SEMA3A: variants seen among roughly 807,000 people sequenced by gnomAD.
SEMA3A encodes semaphorin-3A.
Under a neutral mutation model 97.9 loss-of-function variants are expected in SEMA3A, and 29 were observed. That is an observed-to-expected ratio of 0.30 (90% confidence interval 0.22 to 0.40). The LOEUF is 0.40. Among genes scored for constraint, SEMA3A ranks in the 10% least tolerant of loss-of-function variants. SEMA3A has a pLI of 1.00. For missense variants in SEMA3A, 763 were observed against 951.3 expected (o/e 0.80, Z 2.60); for synonymous variants, 321 against 323.7 (o/e 0.99, Z 0.09).
At chr7:84,057,749 A>AAGAT (rs935399961) in intron 5 of SEMA3A, among the ~76,000 whole-genome samples, 9 of 105,596 alleles carry the variant, frequency 8.5e-5, no homozygotes, top group South Asian at 3.1e-4. Context: ...GCGACAGAGC[A>AAGAT]AGATAAATAA....
chr7:84,308,964 C>T (rs1264093139), intron 2 of SEMA3A, among the ~76,000 whole-genome samples: 3 of 151,916 alleles, frequency 2.0e-5, no homozygotes, highest in Non-Finnish European at 4.4e-5. Context: ...ATTACAGGTG[C>T]CTGCCACCAC....
intron 4 of SEMA3A, among the ~76,000 whole-genome samples, chr7:84,095,358 C>CATATATATATATATATATATAT (rs200107086): frequency 6.5e-5 from 8 of 122,878 alleles, no homozygotes; most frequent in East Asian, 2.2e-4. Context: ...TTTTTATATA[C>CATATATATATATATATATATAT]ATATATATAT....
chr7:84,161,094 G>A (rs1331791822), intron 1 of SEMA3A, among the ~76,000 whole-genome samples: 1 of 151,932 alleles, frequency 6.6e-6, no homozygotes, highest in Non-Finnish European at 1.5e-5. Context: ...GGCCGGGCGT[G>A]GTGTCTCATG....
intron 12 of SEMA3A, among the ~76,000 whole-genome samples, chr7:83,998,130 A>G (rs1285599172): frequency 6.6e-6 from 1 of 151,896 alleles, no homozygotes; most frequent in Non-Finnish European, 1.5e-5. Context: ...AAAAAAATCT[A>G]ATAGATATTA....
At chr7:84,393,997 T>G (rs1270747229) in intron 1 of SEMA3A, among the ~76,000 whole-genome samples, 1 of 152,158 alleles carries the variant, frequency 6.6e-6, no homozygotes, top group Non-Finnish European at 1.5e-5. Context: ...GCTGAGGACT[T>G]GTTCAAATAT....
chr7:84,288,570 C>T (rs1030757498), intron 3 of SEMA3A, among the ~76,000 whole-genome samples: 8 of 151,922 alleles, frequency 5.3e-5, no homozygotes, highest in Admixed American at 1.3e-4. Flanking sequence ...TGGAGGTGCA[C>T]GCCTGTAGTC....
chr7:84,380,081 A>T (rs561518413), intron 1 of SEMA3A, among the ~76,000 whole-genome samples: 1 of 152,330 alleles, frequency 6.6e-6, no homozygotes, highest in East Asian at 1.9e-4. Context: ...GTGTGCATTC[A>T]AAAAGAGTTC....
chr7:84,326,646 G>A (rs982963982), intron 2 of SEMA3A, among the ~76,000 whole-genome samples: 2 of 151,988 alleles, frequency 1.3e-5, no homozygotes, highest in South Asian at 4.2e-4. Context: ...AAATAGTCTA[G>A]AAGGCTGTTA....
chr7:84,175,330 CATT>C (rs1455556005), intron 1 of SEMA3A, among the ~76,000 whole-genome samples: 3 of 152,232 alleles, frequency 2.0e-5, no homozygotes, highest in African/African-American at 7.2e-5. Context: ...TTAACATCAC[CATT>C]ATTTACTGTA....
intron 2 of SEMA3A, among the ~76,000 whole-genome samples, chr7:84,332,611 G>C (rs1562906887): frequency 6.6e-6 from 1 of 151,838 alleles, no homozygotes; most frequent in African/African-American, 2.4e-5. Flanking sequence ...AAAGAACATA[G>C]CTTTAACATG....
At chr7:83,975,716 C>T (rs769224220) in intron 15 of SEMA3A, among the ~76,000 whole-genome samples, 4 of 152,086 alleles carry the variant, frequency 2.6e-5, no homozygotes, top group Non-Finnish European at 5.9e-5. Flanking sequence ...TCTTTTACTT[C>T]CAGTAATTAT....
chr7:84,462,317 T>C (rs1385569758), intron 1 of SEMA3A, among the ~76,000 whole-genome samples: 1 of 152,182 alleles, frequency 6.6e-6, no homozygotes, highest in African/African-American at 2.4e-5. Context: ...GTATAGCATA[T>C]AATCTAGGGG....
At chr7:84,024,707 T>G (rs1365318193) in intron 6 of SEMA3A, among the ~76,000 whole-genome samples, 1 of 152,226 alleles carries the variant, frequency 6.6e-6, no homozygotes, top group East Asian at 1.9e-4. Flanking sequence ...ATATTATTGG[T>G]CTTCAAAATT....
rs749889921 is a variant in SEMA3A, at chr7:83,980,603, C to CAAAA, written c.1652+714_1652+717dup. On this transcript the variant is annotated intron_variant, in intron 14 of 16. Transcript: ENST00000265362. ...CTGGTGACAGAGTGAGACTCCATCT[C>CAAAA]AAAAAAAAAAAAAAAAAAAAATATA... Among the ~76,000 whole-genome samples the CAAAA allele has an allele frequency of 3.2e-4, 17 of 53,952 alleles. 1 individual carries two copies. Among genetic ancestry groups the CAAAA allele is most frequent in the African/African-American group, 8.0e-4 (11 of 13,798 alleles). 35.4% of individuals were successfully genotyped at this position (53,952 alleles called of 152,430 possible).
chr7:84,358,294 A>G (rs1802621987), intron 2 of SEMA3A, among the ~76,000 whole-genome samples: 1 of 152,082 alleles, frequency 6.6e-6, no homozygotes, highest in Non-Finnish European at 1.5e-5. Flanking sequence ...TCTTTAATCC[A>G]TCTTGAATTA....
intron 3 of SEMA3A, among the ~76,000 whole-genome samples, chr7:84,269,326 C>A (rs1584187921): frequency 6.6e-6 from 1 of 152,086 alleles, no homozygotes; most frequent in East Asian, 1.9e-4. Flanking sequence ...TGAAACATGG[C>A]TTTGAAGTAG....
intron 3 of SEMA3A, among the ~76,000 whole-genome samples, chr7:84,284,510 T>A (rs1800531474): frequency 6.6e-6 from 1 of 152,140 alleles, no homozygotes. Flanking sequence ...TGGGATGAGA[T>A]CAGACAAGGC....
At chr7:84,046,520 T>C (rs1792359320) in intron 5 of SEMA3A, 77 bp from the exon 6 acceptor site, 58 of 1,542,312 alleles carry the variant, frequency 3.8e-5, no homozygotes, top group Non-Finnish European at 5.0e-5. Flanking sequence ...ACAAACAAAA[T>C]GCAAGTTTCA....
chr7:84,366,252 A>C (rs1802845326), intron 2 of SEMA3A, among the ~76,000 whole-genome samples: 2 of 151,466 alleles, frequency 1.3e-5, no homozygotes, highest in South Asian at 4.1e-4. Context: ...ACAACATCAT[A>C]TATTTACTGT....
Sources: allele counts gnomAD v4.1 joint callset (sites outside exome capture counted in the v4.1 genomes callset), GRCh38; gene constraint gnomAD v4.1.1; transcripts MANE v1.5; gene names NCBI Gene and HGNC (gene_info 2026-07-23, HGNC 2026-07-21).